Variants in SP3 observed in about 807,000 individuals in gnomAD.
The protein encoded by SP3 is Sp3 transcription factor.
In SP3, 10 loss-of-function variants were observed where a neutral mutation model predicts 70.3. The ratio of observed to expected loss-of-function variants is 0.14; its 90% CI spans 0.09 to 0.24. SP3 has a LOEUF of 0.24. SP3 is among the 10% of genes least tolerant of loss of function. The pLI is 1.00. For synonymous variants in SP3, 402 were observed against 333.5 expected (o/e 1.21, Z -2.24); for missense variants, 825 against 914.6 (o/e 0.90, Z 1.26).
rs760845754 is a variant in SP3, at chr2:173,963,916, C to G, written c.157-33G>C. On this transcript the variant is annotated intron_variant, in intron 2 of 6. Transcript: ENST00000310015. Reference sequence around the variant, plus strand: ...CAATGGGCGGGTTCAGAGAGGGAGACAGGGGGAGGGGGTGGCGGTTAGGGT... The same window carrying G: ...CAATGGGCGGGTTCAGAGAGGGAGAGAGGGGGAGGGGGTGGCGGTTAGGGT... 3 of 1,418,986 alleles carry G rather than the reference C, an allele frequency of 2.1e-6. No individual in the cohort carries two copies. In the African/African-American group the frequency reaches 4.5e-5, roughly 21 times the overall value. 87.9% of individuals were successfully genotyped at this position (1,418,986 alleles called of 1,614,324 possible).
chr2:173,922,832 AAGG>A lies in SP3; in HGVS notation c.1640-4050_1640-4048del, dbSNP rs552728653. ...GCCTAGTATAGACTCCAGAGAGTGG[AAGG>A]AGATGAATTGTAAACAAGTACAGGT... On this transcript the variant is annotated intron_variant, in intron 4 of 6. Coordinates refer to ENST00000310015, the MANE Select transcript of SP3 (RefSeq NM_003111.5). Among the ~76,000 whole-genome samples, 42 of 152,286 alleles carry A rather than the reference AAGG, an allele frequency of 2.8e-4. 1 individual carries two copies. In the East Asian group the frequency reaches 8.1e-3, roughly 29 times the overall value.
intron 6 of SP3, among the ~76,000 whole-genome samples, 171 bp downstream of exon 6, chr2:173,912,899 G>T (rs1473922451): frequency 1.3e-5 from 2 of 152,114 alleles, no homozygotes; most frequent in Non-Finnish European, 2.9e-5. Context: ...AGACTGACTT[G>T]TTCTTTGGAA....
intron 5 of SP3, chr2:173,916,216 A>T (rs1689615840): frequency 6.6e-6 from 1 of 152,066 alleles, no homozygotes; most frequent in African/African-American, 2.4e-5. Flanking sequence ...AGAATAAGTG[A>T]GCTATTAAAG....
chr2:173,948,814 A>G (rs914440008), intron 4 of SP3, among the ~76,000 whole-genome samples: 19 of 152,194 alleles, frequency 1.2e-4, no homozygotes, highest in Non-Finnish European at 2.1e-4. Flanking sequence ...GAAAATCAGA[A>G]TATGAATAGG....
intron 4 of SP3, among the ~76,000 whole-genome samples, chr2:173,943,282 T>G (rs1165728107): frequency 6.6e-6 from 1 of 152,224 alleles, no homozygotes; most frequent in African/African-American, 2.4e-5. Context: ...AATCTTATTT[T>G]CTAACACTCC....
intron 3 of SP3, chr2:173,963,364 G>A (rs7594333): frequency 1.3e-5 from 2 of 152,092 alleles, no homozygotes; most frequent in East Asian, 1.9e-4. Flanking sequence ...AATGCTCCAG[G>A]TTCAAAAATA....
At chr2:173,931,987 T>C (rs1690080170) in intron 4 of SP3, among the ~76,000 whole-genome samples, 1 of 152,202 alleles carries the variant, frequency 6.6e-6, no homozygotes, top group South Asian at 2.1e-4. Flanking sequence ...ACTAGGACTT[T>C]TAATTTCCTT....
At chr2:173,941,595 G>A (rs1690374507) in intron 4 of SP3, among the ~76,000 whole-genome samples, 1 of 151,964 alleles carries the variant, frequency 6.6e-6, no homozygotes, top group Non-Finnish European at 1.5e-5. Flanking sequence ...TTGAGACCCT[G>A]CCTAAAAAAA....
At position 173,923,840 on chromosome 2, in the gene SP3, T is replaced by TA. The variant is rs543451990; in HGVS notation, c.1640-5056dup. 1.4e-4 allele frequency among the ~76,000 whole-genome samples: 22 copies of TA among 152,156 alleles called. No homozygotes were observed. In the South Asian group the frequency reaches 4.6e-3, roughly 32 times the overall value. On this transcript the variant is annotated intron_variant, in intron 4 of 6. Coordinates refer to ENST00000310015, the MANE Select transcript of SP3 (RefSeq NM_003111.5). Reference sequence around the variant, plus strand: ...TCCCTTTAATCAGCTTCACCTGCCATAAAAATCATCTAACAGAACCACCGG... The same window carrying TA: ...TCCCTTTAATCAGCTTCACCTGCCATAAAAAATCATCTAACAGAACCACCGG...
chr2:173,959,798 A>C (rs1358303588), intron 3 of SP3, among the ~76,000 whole-genome samples: 1 of 152,240 alleles, frequency 6.6e-6, no homozygotes, highest in Non-Finnish European at 1.5e-5. Context: ...CAGGCAACCA[A>C]GACGAGAACT....
chr2:173,926,731 T>C (rs963019667), intron 4 of SP3, among the ~76,000 whole-genome samples: 2 of 152,206 alleles, frequency 1.3e-5, no homozygotes, highest in Non-Finnish European at 2.9e-5. Flanking sequence ...TCCACATTAA[T>C]TCTATTAACT....
At position 173,909,473 on chromosome 2, in the gene SP3, A is replaced by C. The variant is rs1381930376; in HGVS notation, c.*468T>G. Reference sequence around the variant, plus strand: ...AGCTAAGTAAAGCCTACACTATGTAACATTTGCTTGGAAACTTGATTTGTC... The same window carrying C: ...AGCTAAGTAAAGCCTACACTATGTACCATTTGCTTGGAAACTTGATTTGTC... On this transcript the variant is annotated 3_prime_UTR_variant, in exon 7 of 7. Transcript: ENST00000310015. The C allele has an allele frequency of 6.4e-6, 1 of 157,324 alleles. No homozygotes were observed. The highest frequency in any genetic ancestry group is 1.4e-5 in the Non-Finnish European group (1 of 70,820). 9.7% of individuals were successfully genotyped at this position (157,324 alleles called of 1,614,324 possible). A position where few individuals can be genotyped will look rare whatever the true frequency, so the allele number is the denominator to read the frequency against.
chr2:173,949,019 C>T (rs79188490), intron 4 of SP3, among the ~76,000 whole-genome samples: 3,307 of 152,176 alleles, frequency 0.022, 48 homozygotes, highest in Non-Finnish European at 0.032. Flanking sequence ...GTGTAAAAGT[C>T]TTACACAACA....
At position 173,965,345 on chromosome 2, in the gene SP3, T is replaced by G; in HGVS notation, c.-174A>C. The G allele has an allele frequency of 1.4e-6, 1 of 726,942 alleles. No individual in the cohort carries two copies. The highest frequency in any genetic ancestry group is 2.3e-6 in the Non-Finnish European group (1 of 443,898). 45.0% of individuals were successfully genotyped at this position (726,942 alleles called of 1,614,324 possible). Reference sequence around the variant, plus strand: ...TGCGGGAAACACAAAAGGTGGAGCCTCCAGCCCAAAAGGGGGGAAGAGGGT... The same window carrying G: ...TGCGGGAAACACAAAAGGTGGAGCCGCCAGCCCAAAAGGGGGGAAGAGGGT... On this transcript the variant is annotated 5_prime_UTR_variant, in exon 1 of 7. Transcript: ENST00000310015.
At position 173,901,648 on chromosome 2, in the gene SP3, C is replaced by G. The variant is rs1328244772; in HGVS notation, c.*8293G>C. Among the ~76,000 whole-genome samples, 1 of 150,862 alleles carries G rather than the reference C, an allele frequency of 6.6e-6. No homozygotes were observed. Among genetic ancestry groups the G allele is most frequent in the Non-Finnish European group, 1.5e-5 (1 of 67,848 alleles). On this transcript the variant is annotated 3_prime_UTR_variant, in exon 7 of 7. Coordinates refer to ENST00000310015, the MANE Select transcript of SP3 (RefSeq NM_003111.5). ...CATGTGCAGTAGCCTATATCCCCAG[C>G]CGTTGGATAAAATGAACAGCAGGGA... is the stretch of plus-strand genomic sequence containing the variant.
At position 173,937,710 on chromosome 2, in the gene SP3, T is replaced by C. The variant is rs148922785; in HGVS notation, c.1639+17163A>G. ...AAAACTCACATTCTCAAAACCTTTT[T>C]ACTCTAGAAAATCTCCAATATATAC... On this transcript the variant is annotated intron_variant, in intron 4 of 6. Coordinates refer to ENST00000310015, the MANE Select transcript of SP3 (RefSeq NM_003111.5). Among the ~76,000 whole-genome samples, 800 of 152,334 alleles carry C rather than the reference T, an allele frequency of 5.3e-3. 3 individuals are homozygous for C. The highest frequency in any genetic ancestry group is 0.018 in the African/African-American group (764 of 41,580).
intron 4 of SP3, among the ~76,000 whole-genome samples, chr2:173,948,172 A>G (rs1297051995): frequency 3.3e-5 from 5 of 152,178 alleles, no homozygotes; most frequent in Admixed American, 6.5e-5. Flanking sequence ...AATAGGATGT[A>G]ATTCTTGACC....
intron 4 of SP3, among the ~76,000 whole-genome samples, chr2:173,929,043 G>A (rs1242646996): frequency 6.6e-6 from 1 of 152,206 alleles, no homozygotes; most frequent in Non-Finnish European, 1.5e-5. Flanking sequence ...TGGTAAGGGA[G>A]ATGTGATCAT....
At position 173,964,477 on chromosome 2, in the gene SP3, G is replaced by A. The variant is rs1010818136; in HGVS notation, c.84C>T (p.Gly28=). The change falls in exon 2 of 7, where the codon GGC becomes GGT. Residue 28 remains glycine, a synonymous_variant. Transcript: ENST00000310015. ...VDSGGGGGGG[G]GHGEYLQQQQ... is the part of the protein sequence containing the mutation. Reference sequence around the variant, plus strand: ...GCTGCTGCAGATACTCGCCGTGGCCGCCGCCGCCGCCACCGCCGCCGCCGC... The same window carrying A: ...GCTGCTGCAGATACTCGCCGTGGCCACCGCCGCCGCCACCGCCGCCGCCGC... 2 of 702,316 alleles carry A rather than the reference G, an allele frequency of 2.8e-6. No homozygotes were observed. Among genetic ancestry groups the A allele is most frequent in the East Asian group, 2.9e-5 (1 of 35,080 alleles). The allele number at this position is 702,316 out of a possible 1,614,324, so 43.5% of individuals were successfully genotyped here.
Sources: gnomAD v4.1 joint callset for allele counts (sites outside exome capture counted in the v4.1 genomes callset) on GRCh38, gnomAD v4.1.1 for gene constraint, MANE v1.5 for transcripts, NCBI Gene and HGNC (gene_info 2026-07-23, HGNC 2026-07-21) for gene names.